KLHL4: variants seen among roughly 807,000 people sequenced by gnomAD.
The protein encoded by KLHL4 is kelch-like protein 4.
KLHL4 carries 17 observed loss-of-function variants against 45.8 expected under a neutral mutation model. The observed-to-expected ratio is 0.37, with a 90% CI of 0.25 to 0.56. The LOEUF (loss-of-function observed/expected upper bound fraction) is 0.56. KLHL4 is among the 20% of genes least tolerant of loss of function. The pLI, the probability that KLHL4 is intolerant of heterozygous loss-of-function variation, is 0.79. For missense variants in KLHL4, 544 were observed against 544.9 expected, an observed-to-expected ratio of 1.00 and a Z score of 0.02; for synonymous variants, 224 against 189.9, an observed-to-expected ratio of 1.18 and a Z score of -1.47.
At chrX:87,540,049 G>A (rs757061784) in intron 1 of KLHL4, among the ~76,000 whole-genome samples, 8 of 110,922 alleles carry the variant, frequency 7.2e-5, no homozygotes, top group Non-Finnish European at 1.1e-4. Flanking sequence ...GTACATATTC[G>A]CATGTCTAAA....
chrX:87,561,440 A>G (rs1932096818), intron 1 of KLHL4, among the ~76,000 whole-genome samples: 1 of 111,591 alleles, frequency 9.0e-6, no homozygotes, highest in Non-Finnish European at 1.9e-5. Flanking sequence ...AAAAATCAAC[A>G]CAAGGCAGAA....
At chrX:87,596,759 A>G (rs1042718537) in intron 1 of KLHL4, among the ~76,000 whole-genome samples, 14 of 112,081 alleles carry the variant, frequency 1.2e-4, no homozygotes, top group African/African-American at 4.2e-4. Context: ...TTTTGCAACT[A>G]TCACTTCTAG....
chrX:87,520,597 G>A (rs748436050), intron 1 of KLHL4, among the ~76,000 whole-genome samples: 2 of 112,238 alleles, frequency 1.8e-5, no homozygotes, highest in Middle Eastern at 4.7e-3. Context: ...AAATTCAAAT[G>A]TATTCATATG....
At chrX:87,527,886 G>A (rs866954921) in intron 1 of KLHL4, among the ~76,000 whole-genome samples, 10 of 107,343 alleles carry the variant, frequency 9.3e-5, no homozygotes, top group African/African-American at 3.1e-4. Context: ...ACACGAAAAA[G>A]CAAGGAAACA....
intron 1 of KLHL4, among the ~76,000 whole-genome samples, chrX:87,610,840 G>A (rs1213809417): frequency 9.0e-6 from 1 of 111,531 alleles, no homozygotes; most frequent in African/African-American, 3.3e-5. Flanking sequence ...TTGGGAGGTT[G>A]AGGCTAGTGG....
At chrX:87,519,889 T>A (rs1282109739) in intron 1 of KLHL4, among the ~76,000 whole-genome samples, 1 of 112,389 alleles carries the variant, frequency 8.9e-6, no homozygotes, top group African/African-American at 3.2e-5. Flanking sequence ...TATGGGAATA[T>A]TTACAATAAA....
chrX:87,554,344 T>C (rs7053275), intron 1 of KLHL4, among the ~76,000 whole-genome samples: 5,640 of 79,461 alleles, frequency 0.071, 454 homozygotes, highest in East Asian at 0.23. Context: ...TTCTTCCTAC[T>C]CATGAGCATG....
intron 9 of KLHL4, among the ~76,000 whole-genome samples, chrX:87,658,897 C>T (rs1362250517): frequency 9.0e-6 from 1 of 110,907 alleles, no homozygotes; most frequent in African/African-American, 3.3e-5. Flanking sequence ...TTGCTTTACT[C>T]TTCTTGCTTA....
chrX:87,523,046 ACAT>A (rs1055375741), intron 1 of KLHL4, among the ~76,000 whole-genome samples: 4 of 112,313 alleles, frequency 3.6e-5, no homozygotes, highest in South Asian at 3.7e-4. Flanking sequence ...TATGTGAAAG[ACAT>A]CATTTAATTT....
At chrX:87,613,806 C>A in intron 1 of KLHL4, 71 bp from the exon 2 acceptor site, 1 of 807,542 alleles carries the variant, frequency 1.2e-6, no homozygotes, top group Middle Eastern at 4.0e-4. Context: ...TTTGTACTCT[C>A]ATTAGAGAAA....
intron 1 of KLHL4, among the ~76,000 whole-genome samples, chrX:87,553,375 T>G (rs1469803204): frequency 9.0e-6 from 1 of 111,101 alleles, no homozygotes; most frequent in Non-Finnish European, 1.9e-5. Flanking sequence ...TTATATTAAA[T>G]ATTTCATTTT....
intron 1 of KLHL4, among the ~76,000 whole-genome samples, chrX:87,559,661 A>G (rs371497666): frequency 8.9e-6 from 1 of 111,750 alleles, no homozygotes; most frequent in African/African-American, 3.2e-5. Flanking sequence ...CAACTACTCT[A>G]TTGATGAATT....
intron 1 of KLHL4, among the ~76,000 whole-genome samples, chrX:87,589,830 G>A (rs1376423995): frequency 9.3e-6 from 1 of 107,276 alleles, no homozygotes; most frequent in African/African-American, 3.4e-5. Context: ...GGGAGTTCAA[G>A]AACAGCCTGA....
At chrX:87,650,725 A>G (rs531058570) in intron 9 of KLHL4, among the ~76,000 whole-genome samples, 1 of 111,463 alleles carries the variant, frequency 9.0e-6, no homozygotes, top group East Asian at 2.8e-4. Flanking sequence ...TAAGTCTCCA[A>G]TCCATTGTAT....
chrX:87,617,837 A>C (rs746376058), intron 3 of KLHL4, 95 bp from the exon 4 acceptor site: 127 of 663,806 alleles, frequency 1.9e-4, no homozygotes, highest in Non-Finnish European at 2.7e-4. Context: ...TCATAGCTCT[A>C]CTAGAGAGGA....
intron 1 of KLHL4, among the ~76,000 whole-genome samples, chrX:87,607,637 C>T (rs2147809839): frequency 8.9e-6 from 1 of 111,903 alleles, no homozygotes; most frequent in African/African-American, 3.2e-5. Context: ...TTAAACATTA[C>T]CACAAAAATC....
intron 1 of KLHL4, among the ~76,000 whole-genome samples, chrX:87,585,965 A>G (rs1921456554): frequency 8.9e-6 from 1 of 111,802 alleles, no homozygotes; most frequent in Non-Finnish European, 1.9e-5. Context: ...AAAAAAGAGC[A>G]TAAGTAGCTA....
intron 5 of KLHL4, 79 bp downstream of exon 5, chrX:87,622,502 T>C: frequency 3.0e-6 from 2 of 660,505 alleles, no homozygotes; most frequent in Middle Eastern, 3.9e-4. Context: ...ATTTGCCTAA[T>C]TTTATTTTTT....
intron 9 of KLHL4, among the ~76,000 whole-genome samples, chrX:87,648,884 A>T (rs973897218): frequency 2.7e-5 from 3 of 111,145 alleles, no homozygotes; most frequent in Admixed American, 9.6e-5. Flanking sequence ...ACTGCCTCAG[A>T]TGATACATAT....
Sources: allele counts gnomAD v4.1 joint callset (sites outside exome capture counted in the v4.1 genomes callset), GRCh38; gene constraint gnomAD v4.1.1; transcripts MANE v1.5; gene names NCBI Gene and HGNC (gene_info 2026-07-23, HGNC 2026-07-21).